The following GREB1L variants were observed in gnomAD, a reference collection of about 807,000 sequenced individuals.
The protein encoded by GREB1L is GREB1 like retinoic acid receptor coactivator.
A neutral mutation model predicts 200.8 loss-of-function variants in GREB1L; 17 were observed. That is an observed-to-expected ratio of 0.08 (90% CI 0.06 to 0.13). The LOEUF (loss-of-function observed/expected upper bound fraction) is 0.13, where lower values mean the gene tolerates loss of function less well. Ranked by LOEUF, GREB1L falls within the 10% of genes least tolerant of loss-of-function variation. The pLI is 1.00. For missense variants in GREB1L, 1,657 were observed against 2,367.7 expected, an observed-to-expected ratio of 0.70 and a Z score of 6.23; for synonymous variants, 789 against 893.0, an observed-to-expected ratio of 0.88 and a Z score of 2.08.
chr18:21,262,206 G>T (rs2037900033), intron 1 of GREB1L, among the ~76,000 whole-genome samples: 1 of 152,104 alleles, frequency 6.6e-6, no homozygotes, highest in Admixed American at 6.6e-5. Context: ...ATATGTAGGG[G>T]TGATTTCCTT....
rs1453682420 is a variant in GREB1L at position 21,452,144 on chromosome 18, C to G, written c.1911C>G (p.Thr637=). The G allele has an allele frequency of 1.3e-6, 2 of 1,551,926 alleles. No homozygotes were observed. The highest frequency in any genetic ancestry group is 1.7e-6 in the Non-Finnish European group (2 of 1,146,936). The part of the protein sequence containing the change: ...MQQRRGDSVV[T]PFDGDLNECV... The stretch of plus-strand genomic sequence containing the variant: ...AAAGAAGAGGAGACAGTGTGGTTAC[C>G]CCTTTCGATGGAGACCTTAATGAAT... The change falls in exon 14 of 33, where the codon ACC becomes ACG. Residue 637 remains threonine, a synonymous_variant. Coordinates refer to ENST00000424526, the MANE Select transcript of GREB1L (RefSeq NM_001142966.3).
intron 1 of GREB1L, among the ~76,000 whole-genome samples, chr18:21,285,154 G>C (rs909768006): frequency 8.7e-5 from 13 of 149,064 alleles, no homozygotes; most frequent in African/African-American, 2.7e-4. Context: ...CTTCTTTTTT[G>C]TTACTTTTTA....
At chr18:21,258,129 T>C (rs533888560) in intron 1 of GREB1L, among the ~76,000 whole-genome samples, 5 of 152,326 alleles carry the variant, frequency 3.3e-5, no homozygotes, top group Admixed American at 6.5e-5. Context: ...CAATGTGTTA[T>C]ATTACCCAGA....
At chr18:21,331,710 A>T (rs2039108991) in intron 1 of GREB1L, among the ~76,000 whole-genome samples, 1 of 152,190 alleles carries the variant, frequency 6.6e-6, no homozygotes, top group African/African-American at 2.4e-5. Flanking sequence ...TGACATAATA[A>T]TGTAGGTGAT....
At chr18:21,338,705 C>G (rs1295870878) in intron 1 of GREB1L, among the ~76,000 whole-genome samples, 6 of 152,126 alleles carry the variant, frequency 3.9e-5, no homozygotes, top group African/African-American at 1.2e-4. Context: ...CACTTTTTAC[C>G]CCAAAATAAA....
At chr18:21,292,846 A>G (rs1222155444) in intron 1 of GREB1L, among the ~76,000 whole-genome samples, 1 of 152,208 alleles carries the variant, frequency 6.6e-6, no homozygotes, top group East Asian at 1.9e-4. Context: ...AGACTTCAGG[A>G]ATGCTACTGT....
intron 7 of GREB1L, among the ~76,000 whole-genome samples, chr18:21,423,933 C>G (rs1168917386): frequency 6.6e-6 from 1 of 152,218 alleles, no homozygotes; most frequent in East Asian, 1.9e-4. Flanking sequence ...GATTGCCCTA[C>G]AAGCATTATA....
intron 1 of GREB1L, among the ~76,000 whole-genome samples, chr18:21,299,531 T>C (rs578183224): frequency 2.8e-4 from 42 of 151,678 alleles, no homozygotes; most frequent in East Asian, 5.8e-4. Flanking sequence ...CTTTTTTTTT[T>C]TTTCTTTCTT....
chr18:21,269,298 A>G lies in GREB1L; in HGVS notation c.-120+26905A>G, dbSNP rs561590037. ...TTCCCAGTATAATCACCTATTCATA[A>G]TGGTAAAGGAGGATATCTTTATTCA... On this transcript the variant is annotated intron_variant, in intron 1 of 32. Coordinates refer to ENST00000424526, the MANE Select transcript of GREB1L (RefSeq NM_001142966.3). 3.9e-5 allele frequency among the ~76,000 whole-genome samples: 6 copies of G among 152,296 alleles called. No homozygotes were observed. The East Asian group carries it at 1.2e-3, about 29-fold the overall frequency.
chr18:21,328,163 G>A (rs1378614705), intron 1 of GREB1L, among the ~76,000 whole-genome samples: 1 of 151,138 alleles, frequency 6.6e-6, no homozygotes, highest in African/African-American at 2.5e-5. Context: ...TTGAAGTCCT[G>A]ATTCAGTGCC....
chr18:21,499,755 T>C lies in GREB1L; in HGVS notation c.3418T>C (p.Ser1140Pro). The C allele has an allele frequency of 6.4e-7, 1 of 1,551,968 alleles. No homozygotes were observed. Among genetic ancestry groups the C allele is most frequent in the Non-Finnish European group, 8.7e-7 (1 of 1,147,012 alleles). ...SGSIMENGVSSSSTADKSQKQ... is the reference protein window; with the variant it reads ...SGSIMENGVSPSSTADKSQKQ... ...TTCCATCATGGAGAATGGAGTGAGC[T>C]CTTCCAGCACAGCTGACAAGTCCCA... The change falls in exon 22 of 33, where the codon TCT becomes CCT. Residue 1140 changes from serine to proline, a missense_variant. Transcript: ENST00000424526.
chr18:21,271,570 T>G (rs1334837462), intron 1 of GREB1L, among the ~76,000 whole-genome samples: 1 of 148,400 alleles, frequency 6.7e-6, no homozygotes, highest in African/African-American at 2.5e-5. Context: ...GAGGATACCT[T>G]GGGCCCAGGA....
intron 1 of GREB1L, among the ~76,000 whole-genome samples, chr18:21,355,602 A>G (rs1483202975): frequency 1.5e-4 from 23 of 152,206 alleles, no homozygotes; most frequent in Non-Finnish European, 2.9e-5. Flanking sequence ...CCTGTGGAAC[A>G]CTAACATTTA....
chr18:21,383,822 C>T, intron 3 of GREB1L, 147 bp downstream of exon 3: 1 of 753,520 alleles, frequency 1.3e-6, no homozygotes. Context: ...AAGCAATTCT[C>T]CTGCCTCAGC....
chr18:21,273,906 A>T (rs1274771683), intron 1 of GREB1L, among the ~76,000 whole-genome samples: 4 of 151,522 alleles, frequency 2.6e-5, no homozygotes, highest in Non-Finnish European at 4.4e-5. Flanking sequence ...GCATGTGATT[A>T]AAAAAAAATG....
At chr18:21,375,882 A>G (rs2040051016) in intron 2 of GREB1L, among the ~76,000 whole-genome samples, 1 of 152,076 alleles carries the variant, frequency 6.6e-6, no homozygotes, top group Admixed American at 6.6e-5. Flanking sequence ...TACCACCACC[A>G]CCACCATCAC....
chr18:21,444,267 T>C lies in GREB1L; in HGVS notation c.1251T>C (p.Ile417=). The change falls in exon 11 of 33, where the codon ATT becomes ATC. Residue 417 remains isoleucine, a synonymous_variant. Transcript: ENST00000424526. Reference sequence around the variant, plus strand: ...ATTTCTATGGAAATGTTGGTGACATTGTTGTGAGTCCTCTGCTGGTGAATT... The same window carrying C: ...ATTTCTATGGAAATGTTGGTGACATCGTTGTGAGTCCTCTGCTGGTGAATT... The part of the protein sequence containing the change: ...LPYFYGNVGD[I]VVSPLLVNCY... 1 of 1,551,738 alleles carries C rather than the reference T, an allele frequency of 6.4e-7. No individual in the cohort carries two copies. The highest frequency in any genetic ancestry group is 8.7e-7 in the Non-Finnish European group (1 of 1,146,848).
At chr18:21,434,576 T>A (rs549117361) in intron 7 of GREB1L, among the ~76,000 whole-genome samples, 669 of 149,510 alleles carry the variant, frequency 4.5e-3, no homozygotes, top group Non-Finnish European at 7.4e-3. Flanking sequence ...TGTGTGTATA[T>A]ATATATATAT....
At chr18:21,495,918 A>G (rs2036526732) in intron 20 of GREB1L, 133 bp downstream of exon 20, 4 of 556,508 alleles carry the variant, frequency 7.2e-6, no homozygotes, top group Admixed American at 7.2e-5. Flanking sequence ...GCAGGGATAC[A>G]AGAAATACAG....
Sources: allele counts gnomAD v4.1 joint callset (sites outside exome capture counted in the v4.1 genomes callset), GRCh38; gene constraint gnomAD v4.1.1; transcripts MANE v1.5; gene names NCBI Gene and HGNC (gene_info 2026-07-23, HGNC 2026-07-21).